SNX25: variants seen among roughly 807,000 people sequenced by gnomAD.
SNX25 encodes the protein sorting nexin 25.
SNX25 carries 62 observed loss-of-function variants against 113.7 expected under a neutral mutation model. The observed-to-expected ratio is 0.55, with a 90% CI of 0.44 to 0.67. The LOEUF (loss-of-function observed/expected upper bound fraction) is 0.67. Among genes scored for constraint, SNX25 ranks in the 30% least tolerant of loss-of-function variants. The pLI, the probability that SNX25 is intolerant of heterozygous loss-of-function variation, is 0.00. For synonymous variants in SNX25, 421 were observed against 436.2 expected (o/e 0.97, Z 0.43); for missense variants, 1,014 against 1,161.0 (o/e 0.87, Z 1.84).
At chr4:185,290,689 G>A (rs1405291155) in intron 6 of SNX25, among the ~76,000 whole-genome samples, 5 of 148,862 alleles carry the variant, frequency 3.4e-5, no homozygotes, top group African/African-American at 1.3e-4. Context: ...CTCTTAATAC[G>A]GTGTATTCTG....
At chr4:185,298,944 C>T (rs1383887687) in intron 6 of SNX25, among the ~76,000 whole-genome samples, 2 of 152,156 alleles carry the variant, frequency 1.3e-5, no homozygotes, top group Non-Finnish European at 2.9e-5. Context: ...TTTTCAGTTA[C>T]TCAACCTTTC....
In SNX25 at chr4:185,363,846, T is replaced by C. The variant is rs938862786; in HGVS notation, c.*381T>C. 1.9e-5 allele frequency: 3 copies of C among 159,768 alleles called. No homozygotes were observed. Among genetic ancestry groups the C allele is most frequent in the African/African-American group, 7.2e-5 (3 of 41,606 alleles). 9.9% of individuals were successfully genotyped at this position (159,768 alleles called of 1,614,324 possible). ...GAACATTCTTATATTATTTCATGTATATTGAAGAACATTGTTATGCAATGC... is the reference window on the plus strand; with the variant it reads ...GAACATTCTTATATTATTTCATGTACATTGAAGAACATTGTTATGCAATGC... On this transcript the variant is annotated 3_prime_UTR_variant, in exon 19 of 19. Transcript: ENST00000652585. This position sits in a 1 kb window ranked among gnomAD's most constrained non-coding sequence, Gnocchi z 4.2.
chr4:185,332,807 A>T, intron 10 of SNX25, 48 bp downstream of exon 10: 1 of 1,580,088 alleles, frequency 6.3e-7, no homozygotes, highest in Non-Finnish European at 8.6e-7. Flanking sequence ...CATTTGTCTA[A>T]TTTGGTAGTT....
Position 185,323,423 on chromosome 4 carries a change from T to C in SNX25, c.1477-105T>C. ...ACAAAATTCTACATACCAGGGTGCA[T>C]CTTAAATGTCTTTCTTCTGACTTTC... On this transcript the variant is annotated intron_variant, in intron 8 of 18. Coordinates refer to ENST00000652585, the MANE Select transcript of SNX25 (RefSeq NM_001378034.2). 9 of 1,111,434 alleles carry C rather than the reference T, an allele frequency of 8.1e-6. No homozygotes were observed. The South Asian group carries it at 1.2e-4, about 15-fold the overall frequency. The allele number at this position is 1,111,434 out of a possible 1,614,324, so 68.8% of individuals were successfully genotyped here.
In SNX25 at chr4:185,214,413, GA is replaced by G. The variant is rs1354416847; in HGVS notation, c.429+4166del. Among the ~76,000 whole-genome samples the G allele has an allele frequency of 5.7e-3, 705 of 123,660 alleles. 5 individuals are homozygous for G. The highest frequency in any genetic ancestry group is 0.02 in the African/African-American group (652 of 32,976). 81.1% of individuals were successfully genotyped at this position (123,660 alleles called of 152,430 possible). A position where few individuals can be genotyped will look rare whatever the true frequency, so the allele number is the denominator to read the frequency against. ...CTCTACCAAAAAAAAAAAAAAAAAA[GA>G]AAAAAAATATTAGCTGGGAGTGGTG... is the stretch of plus-strand genomic sequence containing the variant. On this transcript the variant is annotated intron_variant, in intron 1 of 18. Coordinates refer to ENST00000652585, the MANE Select transcript of SNX25 (RefSeq NM_001378034.2).
chr4:185,253,656 A>G (rs923507715), intron 2 of SNX25, among the ~76,000 whole-genome samples: 1 of 152,044 alleles, frequency 6.6e-6, no homozygotes, highest in African/African-American at 2.4e-5. Context: ...TTTAGTAGAG[A>G]TGGGGTTTCA....
chr4:185,300,481 T>A lies in SNX25; in HGVS notation c.1163-10154T>A, dbSNP rs560047180. ...CCGCGCCTGGCCACGAATTCTTTTT[T>A]TAATGATGTTATGTAGCTTCTTTGT... On this transcript the variant is annotated intron_variant, in intron 6 of 18. Coordinates refer to ENST00000652585, the MANE Select transcript of SNX25 (RefSeq NM_001378034.2). Among the ~76,000 whole-genome samples, 15 of 152,142 alleles carry A rather than the reference T, an allele frequency of 9.9e-5. No homozygotes were observed. The East Asian group carries it at 2.5e-3, about 25-fold the overall frequency.
At chr4:185,269,736 TTTG>T (rs1055163247) in intron 5 of SNX25, among the ~76,000 whole-genome samples, 55 of 152,052 alleles carry the variant, frequency 3.6e-4, no homozygotes, top group Admixed American at 3.3e-3. Context: ...TTGTTGTTGT[TTTG>T]TTGTTGTTGT....
At chr4:185,267,279 T>C in intron 5 of SNX25, 124 bp downstream of exon 5, 1 of 921,104 alleles carries the variant, frequency 1.1e-6, no homozygotes, top group Non-Finnish European at 1.6e-6. Flanking sequence ...TAAATCTTAC[T>C]ATTTAGTGAC....
downstream of SNX25, chr4:185,365,694 AATAATAAT>A (rs2095385489): frequency 3.3e-5 from 4 of 121,390 alleles, no homozygotes; most frequent in Admixed American, 7.7e-5. Context: ...AAAAAAAAAT[AATAATAAT>A]AATAATAATA....
At chr4:185,325,041 T>C (rs2095146673) in intron 9 of SNX25, among the ~76,000 whole-genome samples, 1 of 152,232 alleles carries the variant, frequency 6.6e-6, no homozygotes, top group African/African-American at 2.4e-5. Flanking sequence ...TCACCAATGC[T>C]ATGATTTTGT....
chr4:185,366,166 A>G (rs1481110954), downstream of SNX25: 1 of 152,230 alleles, frequency 6.6e-6, no homozygotes, highest in East Asian at 1.9e-4. Flanking sequence ...GCCTTGTACA[A>G]TCTTATGCAT....
chr4:185,262,959 A>G (rs1678416933), intron 3 of SNX25, among the ~76,000 whole-genome samples: 1 of 152,236 alleles, frequency 6.6e-6, no homozygotes, highest in African/African-American at 2.4e-5. Context: ...TCTAGAGGAC[A>G]TCATAGGAAT....
intron 3 of SNX25, among the ~76,000 whole-genome samples, chr4:185,261,963 A>G (rs2126532765): frequency 6.6e-6 from 1 of 152,294 alleles, no homozygotes; most frequent in Middle Eastern, 3.4e-3. Flanking sequence ...ATCTTATACA[A>G]ACCATACAAT....
chr4:185,306,567 G>A (rs1371705559), intron 6 of SNX25, among the ~76,000 whole-genome samples: 2 of 152,170 alleles, frequency 1.3e-5, no homozygotes, highest in Non-Finnish European at 2.9e-5. Flanking sequence ...GTAATGGTTG[G>A]TAAATGGGTG....
intron 2 of SNX25, among the ~76,000 whole-genome samples, 185 bp from the exon 3 acceptor site, chr4:185,258,663 C>T (rs529978913): frequency 6.6e-5 from 10 of 152,234 alleles, no homozygotes; most frequent in East Asian, 1.9e-4. Flanking sequence ...CATACCTAAA[C>T]GTTCTAGTTA....
At chr4:185,240,468 GGCCGGGC>G in intron 1 of SNX25, among the ~76,000 whole-genome samples, 1 of 150,106 alleles carries the variant, frequency 6.7e-6, no homozygotes. Context: ...CAGTAGGGGC[GGCCGGGC>G]AGAGGCGCCC....
intron 7 of SNX25, among the ~76,000 whole-genome samples, chr4:185,315,145 G>A (rs112153397): frequency 2.7e-3 from 394 of 147,670 alleles, no homozygotes; most frequent in African/African-American, 9.0e-3. Context: ...GGAGAAGGGC[G>A]TGAACCTGGG....
At chr4:185,335,590 T>G (rs866537904) in intron 10 of SNX25, among the ~76,000 whole-genome samples, 5 of 152,196 alleles carry the variant, frequency 3.3e-5, no homozygotes, top group Admixed American at 6.5e-5. Context: ...AGCAGTGTAA[T>G]TAGCTACTGG....
Sources: allele counts gnomAD v4.1 joint callset (sites outside exome capture counted in the v4.1 genomes callset), GRCh38; gene constraint gnomAD v4.1.1; non-coding constraint Gnocchi (gnomAD v3.1); transcripts MANE v1.5; gene names NCBI Gene and HGNC (gene_info 2026-07-23, HGNC 2026-07-21).